DMD: variants seen among roughly 807,000 people sequenced by gnomAD.
The protein encoded by DMD is dystrophin.
Under a neutral mutation model 330.1 loss-of-function variants are expected in DMD, and 63 were observed. That is an observed-to-expected ratio of 0.19 (90% CI 0.16 to 0.24). The LOEUF is 0.24. Among genes scored for constraint, DMD ranks in the 10% least tolerant of loss-of-function variants. The probability of loss-of-function intolerance (pLI) is 1.00; values close to 1 mark genes in which losing one functional copy is unlikely to be tolerated. For synonymous variants in DMD, 1,223 were observed against 959.8 expected (o/e 1.27, Z -5.07); for missense variants, 3,344 against 2,684.1 (o/e 1.25, Z -5.43).
rs1400422963 is a variant in DMD at position 32,397,514 on chromosome X, G to T, written c.4234-7333C>A. ...ATCATCTTTCCATTATATTAAAAAA[G>T]ACATTTGAGCTTATCTCAACATTCC... On this transcript the variant is annotated intron_variant, in intron 30 of 78. Coordinates refer to ENST00000357033, the MANE Select transcript of DMD (RefSeq NM_004006.3). Among the ~76,000 whole-genome samples the T allele has an allele frequency of 3.6e-5, 4 of 111,566 alleles. No homozygotes were observed. The East Asian group carries it at 8.5e-4, about 24-fold the overall frequency.
chrX:32,978,951 A>T (rs2092629404), intron 2 of DMD, among the ~76,000 whole-genome samples: 1 of 112,076 alleles, frequency 8.9e-6, no homozygotes, highest in Non-Finnish European at 1.9e-5. Context: ...GAAGACTTAA[A>T]CTAGGTGTAC....
chrX:31,909,500 T>C (rs927714174), intron 47 of DMD, among the ~76,000 whole-genome samples: 1 of 40,435 alleles, frequency 2.5e-5, no homozygotes, highest in African/African-American at 9.3e-5. Context: ...CACAGAAAAA[T>C]AGAACCCAGA....
At chrX:32,734,602 G>A (rs1203088083) in intron 7 of DMD, among the ~76,000 whole-genome samples, 1 of 104,327 alleles carries the variant, frequency 9.6e-6, no homozygotes, top group Non-Finnish European at 1.9e-5. Context: ...ATGCAAGGCT[G>A]GTTCAATATA....
chrX:32,238,892 TGG>T (rs1275466424), intron 43 of DMD, among the ~76,000 whole-genome samples: 11 of 111,783 alleles, frequency 9.8e-5, no homozygotes, highest in Admixed American at 4.8e-4. Flanking sequence ...CCTTTAAACC[TGG>T]ACACTCATTT....
chrX:33,084,337 G>A (rs1232391482), intron 1 of DMD, among the ~76,000 whole-genome samples: 3 of 112,605 alleles, frequency 2.7e-5, no homozygotes, highest in Non-Finnish European at 3.8e-5. Context: ...CAGCAAGACA[G>A]GGGAATTGCA....
intron 7 of DMD, among the ~76,000 whole-genome samples, chrX:32,788,012 T>A (rs1412872929): frequency 1.8e-5 from 2 of 111,687 alleles, no homozygotes; most frequent in Middle Eastern, 4.6e-3. Flanking sequence ...TAAATATTTT[T>A]ACTTTACACG....
intron 2 of DMD, among the ~76,000 whole-genome samples, chrX:32,942,046 G>C (rs2090456557): frequency 1.8e-5 from 2 of 111,559 alleles, no homozygotes; most frequent in Non-Finnish European, 3.8e-5. Context: ...CATTATTAAA[G>C]TGTGGGTGTT....
At chrX:32,602,533 A>T (rs1025422156) in intron 12 of DMD, among the ~76,000 whole-genome samples, 1 of 111,530 alleles carries the variant, frequency 9.0e-6, no homozygotes, top group Admixed American at 9.5e-5. Context: ...TTCAGTTCCA[A>T]TGATTATCCT....
At chrX:33,326,731 T>TGAGA (rs1209076244) in intron 1 of DMD, among the ~76,000 whole-genome samples, 2 of 111,853 alleles carry the variant, frequency 1.8e-5, no homozygotes, top group East Asian at 5.6e-4. Context: ...GTTTTGTCTT[T>TGAGA]GAGAGAGATA....
At chrX:31,141,856 G>T (rs2147872272) in intron 76 of DMD, among the ~76,000 whole-genome samples, 1 of 111,490 alleles carries the variant, frequency 9.0e-6, no homozygotes, top group East Asian at 2.8e-4. Flanking sequence ...CCCAGGGAGA[G>T]TGAAGAACGG....
At chrX:31,981,224 TG>T (rs1472149907) in intron 44 of DMD, among the ~76,000 whole-genome samples, 1 of 111,404 alleles carries the variant, frequency 9.0e-6, no homozygotes, top group Non-Finnish European at 1.9e-5. Context: ...CGTGTGTATG[TG>T]GGGGTGTATG....
At chrX:31,590,855 CTA>C (rs1462632063) in intron 55 of DMD, among the ~76,000 whole-genome samples, 1 of 111,782 alleles carries the variant, frequency 8.9e-6, no homozygotes, top group Non-Finnish European at 1.9e-5. Flanking sequence ...TTAAGATAGA[CTA>C]TTTAAACTCT....
At chrX:32,342,551 G>T in intron 40 of DMD, 1 of 352,309 alleles carries the variant, frequency 2.8e-6, no homozygotes, top group Non-Finnish European at 4.9e-6. Flanking sequence ...AATTCCTCTG[G>T]TGTCTTGGGA....
chrX:33,270,850 A>G (rs1472554023), intron 1 of DMD, among the ~76,000 whole-genome samples: 1 of 111,937 alleles, frequency 8.9e-6, no homozygotes, highest in Non-Finnish European at 1.9e-5. Context: ...TTTATGCTAT[A>G]AACTATATAT....
intron 44 of DMD, among the ~76,000 whole-genome samples, chrX:31,974,436 A>G (rs191598486): frequency 1.5e-3 from 164 of 111,226 alleles, no homozygotes; most frequent in African/African-American, 5.1e-3. Context: ...GATTATTTTA[A>G]AAAGGAGCAG....
In DMD at chrX:32,922,662, G is replaced by A. The variant is rs750783275; in HGVS notation, c.94-72842C>T. Among the ~76,000 whole-genome samples the A allele has an allele frequency of 2.4e-3, 274 of 112,456 alleles. 1 individual carries two copies. Among genetic ancestry groups the A allele is most frequent in the African/African-American group, 8.3e-3 (258 of 30,989 alleles). On this transcript the variant is annotated intron_variant, in intron 2 of 78. Transcript: ENST00000357033. Reference sequence around the variant, plus strand: ...AATGCTGCTGCTTATCTGACAGGAGGCAGAGCTCAGGCTTGCCCGGGGCTC... The same window carrying A: ...AATGCTGCTGCTTATCTGACAGGAGACAGAGCTCAGGCTTGCCCGGGGCTC...
At chrX:33,087,284 G>A (rs2095021995) in intron 1 of DMD, among the ~76,000 whole-genome samples, 2 of 111,792 alleles carry the variant, frequency 1.8e-5, no homozygotes, top group African/African-American at 6.5e-5. Flanking sequence ...TCTTGCTCTT[G>A]GTATAAAAAA....
chrX:32,896,065 G>A (rs752801033), intron 2 of DMD, among the ~76,000 whole-genome samples: 29 of 111,427 alleles, frequency 2.6e-4, no homozygotes, highest in Non-Finnish European at 4.9e-4. Flanking sequence ...CACAGCCTCT[G>A]AGCAGAAACT....
chrX:32,963,233 G>A (rs2091975435), intron 2 of DMD, among the ~76,000 whole-genome samples: 1 of 112,003 alleles, frequency 8.9e-6, no homozygotes, highest in Non-Finnish European at 1.9e-5. Flanking sequence ...CACAAAAATT[G>A]GAAGGAGGTA....
Sources: gnomAD v4.1 joint callset for allele counts (sites outside exome capture counted in the v4.1 genomes callset) on GRCh38, gnomAD v4.1.1 for gene constraint, MANE v1.5 for transcripts, NCBI Gene and HGNC (gene_info 2026-07-23, HGNC 2026-07-21) for gene names.